Variants in PSME4 observed in about 807,000 individuals in gnomAD.
The protein encoded by PSME4 is proteasome activator complex subunit 4.
In PSME4, 89 loss-of-function variants were observed where a neutral mutation model predicts 253.9. The ratio of observed to expected loss-of-function variants is 0.35; its 90% CI spans 0.30 to 0.42. The LOEUF is 0.42. Among genes scored for constraint, PSME4 ranks in the 10% least tolerant of loss-of-function variants. PSME4 has a pLI of 1.00. For synonymous variants in PSME4, 851 were observed against 759.2 expected, an observed-to-expected ratio of 1.12 and a Z score of -1.99; for missense variants, 2,014 against 2,195.2, an observed-to-expected ratio of 0.92 and a Z score of 1.65.
chr2:53,925,908 G>C (rs1296578119), intron 13 of PSME4, 51 bp downstream of exon 13: 2 of 1,526,096 alleles, frequency 1.3e-6, no homozygotes, highest in African/African-American at 1.4e-5. Context: ...TGGGATAGAA[G>C]AGTCATTTTC....
intron 41 of PSME4, among the ~76,000 whole-genome samples, chr2:53,876,529 T>A (rs1679128340): frequency 1.3e-5 from 2 of 152,000 alleles, no homozygotes; most frequent in African/African-American, 4.8e-5. Context: ...TAATCCATTA[T>A]AAAAAGAGAG....
chr2:53,889,136 ATTAAAG>A (rs1679775216), intron 37 of PSME4, among the ~76,000 whole-genome samples: 1 of 152,128 alleles, frequency 6.6e-6, no homozygotes, highest in Non-Finnish European at 1.5e-5. Flanking sequence ...AAGTTCTGCG[ATTAAAG>A]TTGAGAGCTA....
intron 6 of PSME4, 113 bp downstream of exon 6, chr2:53,936,651 C>A (rs2104464306): frequency 1.4e-6 from 1 of 711,112 alleles, no homozygotes; most frequent in South Asian, 2.6e-5. Context: ...TAAGGAACTT[C>A]AAGTTACTTA....
chr2:53,931,692 C>G, intron 10 of PSME4, 143 bp downstream of exon 10: 1 of 850,332 alleles, frequency 1.2e-6, no homozygotes, highest in Non-Finnish European at 1.8e-6. Flanking sequence ...CCAATCATTA[C>G]ATTAAAATGT....
At chr2:53,961,335 G>T (rs1408148672) in intron 1 of PSME4, among the ~76,000 whole-genome samples, 4 of 152,008 alleles carry the variant, frequency 2.6e-5, no homozygotes, top group South Asian at 4.2e-4. Context: ...TTCTACAAAG[G>T]TTAGACAGAA....
At chr2:53,873,709 A>AT (rs1190105956) in intron 43 of PSME4, among the ~76,000 whole-genome samples, 2 of 152,214 alleles carry the variant, frequency 1.3e-5, no homozygotes, top group Non-Finnish European at 2.9e-5. Context: ...CTATGTGTAG[A>AT]TTTTTAATCC....
At chr2:53,873,729 T>C (rs1270597281) in intron 43 of PSME4, among the ~76,000 whole-genome samples, 2 of 151,226 alleles carry the variant, frequency 1.3e-5, no homozygotes, top group African/African-American at 4.9e-5. Flanking sequence ...CCTTTGAAAC[T>C]GCCATCATGC....
intron 1 of PSME4, among the ~76,000 whole-genome samples, chr2:53,951,085 T>G (rs968003758): frequency 6.6e-6 from 1 of 152,006 alleles, no homozygotes; most frequent in Non-Finnish European, 1.5e-5. Context: ...ACATTTAACT[T>G]CTTTTTTTTC....
At chr2:53,917,835 C>A (rs957358987) in intron 20 of PSME4, among the ~76,000 whole-genome samples, 5 of 152,144 alleles carry the variant, frequency 3.3e-5, no homozygotes, top group Admixed American at 6.5e-5. Flanking sequence ...CAAAATCAAT[C>A]TTTTTTAACA....
rs778530006 is a variant in PSME4, at chr2:53,887,950, T to C, written c.4428A>G (p.Glu1476=). ...TGTGCAATAGTTCAGGCACTCTCCA[T>C]TCTTGCTGGGCAAGGCCACCTTGTA... The part of the protein sequence containing the change: ...YVLQGGLAQQ[E]WRVPELLHRL... Residue 1476 remains glutamate, a synonymous_variant, in exon 39 of 47, where the codon GAA becomes GAG. Coordinates refer to ENST00000404125, the MANE Select transcript of PSME4 (RefSeq NM_014614.3). 1.9e-6 allele frequency: 3 copies of C among 1,612,258 alleles called. No individual in the cohort carries two copies. The highest frequency in any genetic ancestry group is 2.5e-6 in the Non-Finnish European group (3 of 1,178,596).
chr2:53,913,136 A>G (rs1667903802), intron 20 of PSME4, among the ~76,000 whole-genome samples: 4 of 152,230 alleles, frequency 2.6e-5, no homozygotes, highest in Admixed American at 2.6e-4. Context: ...TTCCAGCACA[A>G]CATACTGTAA....
chr2:53,885,164 T>A (rs1679580088), intron 41 of PSME4, among the ~76,000 whole-genome samples: 1 of 152,168 alleles, frequency 6.6e-6, no homozygotes, highest in Non-Finnish European at 1.5e-5. Flanking sequence ...ACTAGCTGCA[T>A]CCCCTGAGTA....
intron 43 of PSME4, among the ~76,000 whole-genome samples, chr2:53,871,228 C>T (rs555365565): frequency 6.6e-6 from 1 of 151,988 alleles, no homozygotes; most frequent in South Asian, 2.1e-4. Context: ...CTTTTCACTG[C>T]TTATAGCAAG....
chr2:53,907,902 CT>C (rs1573261053), intron 24 of PSME4: 2 of 158,908 alleles, frequency 1.3e-5, no homozygotes, highest in East Asian at 3.7e-4. Flanking sequence ...CACTGATACT[CT>C]TTCTTCCAAG....
chr2:53,968,984 G>GT (rs1487258883), intron 1 of PSME4, among the ~76,000 whole-genome samples: 2 of 152,150 alleles, frequency 1.3e-5, no homozygotes, highest in Non-Finnish European at 2.9e-5. Flanking sequence ...AAAAAAAGCT[G>GT]TTTGCGTCCC....
intron 32 of PSME4, among the ~76,000 whole-genome samples, chr2:53,896,212 G>A (rs1490487949): frequency 6.6e-6 from 1 of 152,010 alleles, no homozygotes; most frequent in Non-Finnish European, 1.5e-5. Flanking sequence ...TCTCAAAAAA[G>A]CTTTCATTAA....
At chr2:53,871,976 T>G (rs906735581) in intron 43 of PSME4, among the ~76,000 whole-genome samples, 2 of 151,962 alleles carry the variant, frequency 1.3e-5, no homozygotes, top group Non-Finnish European at 2.9e-5. Flanking sequence ...ATCGCACCAC[T>G]GCACTCCCGC....
intron 12 of PSME4, among the ~76,000 whole-genome samples, chr2:53,926,476 C>G (rs180692501): frequency 1.3e-5 from 2 of 152,264 alleles, no homozygotes. Context: ...GAGTTCAAGA[C>G]CAGTCTGGCC....
Position 53,970,408 on chromosome 2 carries a change from T to C in PSME4, c.242+135A>G, listed in dbSNP as rs1174980033. 3.5e-6 allele frequency: 5 copies of C among 1,440,316 alleles called. No homozygotes were observed. In the African/African-American group the frequency reaches 7.2e-5, roughly 21 times the overall value. 89.2% of individuals were successfully genotyped at this position (1,440,316 alleles called of 1,614,324 possible). On this transcript the variant is annotated intron_variant, in intron 1 of 46. Transcript: ENST00000404125. ...TACTTCACAGGCTCTGTCACGACCC[T>C]GGGATCACCGCTCGGGGACAGCTCC...
Sources: gnomAD v4.1 joint callset for allele counts (sites outside exome capture counted in the v4.1 genomes callset) on GRCh38, gnomAD v4.1.1 for gene constraint, MANE v1.5 for transcripts, NCBI Gene and HGNC (gene_info 2026-07-23, HGNC 2026-07-21) for gene names.